SPOPL: variants seen among roughly 807,000 people sequenced by gnomAD.
SPOPL encodes the protein speckle-type POZ protein-like.
A neutral mutation model predicts 53.8 loss-of-function variants in SPOPL; 23 were observed. The observed-to-expected ratio is 0.43, with a 90% confidence interval of 0.31 to 0.61. The LOEUF is 0.61. Ranked by LOEUF, SPOPL falls within the 20% of genes least tolerant of loss-of-function variation. The probability of loss-of-function intolerance (pLI) is 0.12; values close to 1 mark genes in which losing one functional copy is unlikely to be tolerated. For synonymous variants in SPOPL, 164 were observed against 149.7 expected, an observed-to-expected ratio of 1.10 and a Z score of -0.70; for missense variants, 442 against 466.9, an observed-to-expected ratio of 0.95 and a Z score of 0.49.
chr2:138,553,082 G>A (rs531392979), intron 5 of SPOPL, among the ~76,000 whole-genome samples: 23 of 152,120 alleles, frequency 1.5e-4, no homozygotes, highest in African/African-American at 5.1e-4. Flanking sequence ...GTTTGAACCC[G>A]AAGTACCTGG....
chr2:138,510,513 G>C (rs1471018737), intron 1 of SPOPL, among the ~76,000 whole-genome samples: 1 of 152,176 alleles, frequency 6.6e-6, no homozygotes, highest in Non-Finnish European at 1.5e-5. Flanking sequence ...TGTTAGAGGG[G>C]TGTTGAAGTG....
Position 138,519,931 on chromosome 2 carries a change from C to T in SPOPL, c.-61+17812C>T, listed in dbSNP as rs190047955. 4.1e-3 allele frequency among the ~76,000 whole-genome samples: 631 copies of T among 152,190 alleles called. 5 individuals are homozygous for T. The highest frequency in any genetic ancestry group is 0.013 in the Admixed American group (198 of 15,294). ...CATTTTTTGTGAAAGTTCCAGGTAG[C>T]TAGGGAGTAATTTTTACCCAGGAAA... On this transcript the variant is annotated intron_variant, in intron 1 of 10. Transcript: ENST00000280098.
chr2:138,512,889 A>G (rs1186571996), intron 1 of SPOPL, among the ~76,000 whole-genome samples: 1 of 152,238 alleles, frequency 6.6e-6, no homozygotes, highest in Non-Finnish European at 1.5e-5. Context: ...TTAAGTGTCT[A>G]GTCATTGAGT....
chr2:138,540,971 A>G lies in SPOPL; in HGVS notation c.-60-9186A>G, dbSNP rs151192861. On this transcript the variant is annotated intron_variant, in intron 1 of 10. Transcript: ENST00000280098. ...GCATGAAGGGTTGTTGAATTTTGTCAAAGGCCTTTTCTGCATCTATTGAGA... is the reference window on the plus strand; with the variant it reads ...GCATGAAGGGTTGTTGAATTTTGTCGAAGGCCTTTTCTGCATCTATTGAGA... Among the ~76,000 whole-genome samples the G allele has an allele frequency of 1.2e-3, 189 of 152,228 alleles. 4 individuals are homozygous for G. The East Asian group carries it at 0.035, about 29-fold the overall frequency.
chr2:138,539,818 C>T (rs1197488909), intron 1 of SPOPL, among the ~76,000 whole-genome samples: 1 of 152,114 alleles, frequency 6.6e-6, no homozygotes, highest in African/African-American at 2.4e-5. Context: ...ACATAAAGTC[C>T]TTGCCCATGC....
At chr2:138,517,142 T>C (rs1274919434) in intron 1 of SPOPL, among the ~76,000 whole-genome samples, 2 of 152,232 alleles carry the variant, frequency 1.3e-5, no homozygotes, top group Non-Finnish European at 2.9e-5. Context: ...TGTTTGTGTT[T>C]ACAGGCATAA....
intron 1 of SPOPL, among the ~76,000 whole-genome samples, chr2:138,549,532 A>C (rs1019693172): frequency 2.6e-5 from 4 of 152,154 alleles, no homozygotes; most frequent in African/African-American, 7.2e-5. Context: ...ATACAGTACA[A>C]GAACAGCTAC....
At chr2:138,525,654 T>C (rs116042554) in intron 1 of SPOPL, among the ~76,000 whole-genome samples, 1 of 5,040 alleles carries the variant, frequency 2.0e-4, no homozygotes, top group Non-Finnish European at 5.1e-4. Context: ...GTATAAAAAG[T>C]AGAAAAAAAA....
chr2:138,526,006 A>G (rs2104868597), intron 1 of SPOPL, among the ~76,000 whole-genome samples: 1 of 152,236 alleles, frequency 6.6e-6, no homozygotes, highest in South Asian at 2.1e-4. Context: ...TCTAGATAGT[A>G]TTACCCATGT....
chr2:138,559,341 A>G lies in SPOPL; in HGVS notation c.714+4A>G, dbSNP rs138753667. ...TGAAATGGAAGAAAGCAAAAAGGTA[A>G]ACATGGCTTAAAGGCTAATATTGAA... is the stretch of plus-strand genomic sequence containing the variant. On this transcript the variant is annotated splice_donor_region_variant and intron_variant, in intron 7 of 10. Coordinates refer to ENST00000280098, the MANE Select transcript of SPOPL (RefSeq NM_001001664.3). 277 of 1,607,920 alleles carry G rather than the reference A, an allele frequency of 1.7e-4. 1 individual carries two copies. The highest frequency in any genetic ancestry group is 1.3e-3 in the Admixed American group (78 of 58,962).
At chr2:138,503,807 C>CA (rs1684156044) in intron 1 of SPOPL, among the ~76,000 whole-genome samples, 1 of 152,178 alleles carries the variant, frequency 6.6e-6, no homozygotes, top group Admixed American at 6.5e-5. Context: ...GTTAAATACT[C>CA]AAAACTGGTG....
chr2:138,505,515 G>A (rs1224138168), intron 1 of SPOPL, among the ~76,000 whole-genome samples: 1 of 150,142 alleles, frequency 6.7e-6, no homozygotes, highest in Non-Finnish European at 1.5e-5. Flanking sequence ...CCAGCACTTT[G>A]GGAGGTCGAG....
chr2:138,565,011 T>C lies in SPOPL; in HGVS notation c.1034+18T>C. ...AACAGCAAGTAAGATGACATCAGTT[T>C]CTGACTCAAAGTTGCTCTACATAAG... On this transcript the variant is annotated intron_variant, in intron 10 of 10. Coordinates refer to ENST00000280098, the MANE Select transcript of SPOPL (RefSeq NM_001001664.3). The C allele has an allele frequency of 6.2e-7, 1 of 1,613,714 alleles. No individual in the cohort carries two copies. Among genetic ancestry groups the C allele is most frequent in the Non-Finnish European group, 8.5e-7 (1 of 1,179,958 alleles).
chr2:138,526,069 A>G (rs1472115284), intron 1 of SPOPL, among the ~76,000 whole-genome samples: 3 of 152,074 alleles, frequency 2.0e-5, no homozygotes, highest in Non-Finnish European at 2.9e-5. Context: ...CCCAGTTTTA[A>G]TTAGTTGTTA....
At chr2:138,513,005 A>G (rs1453651647) in intron 1 of SPOPL, among the ~76,000 whole-genome samples, 2 of 152,258 alleles carry the variant, frequency 1.3e-5, no homozygotes, top group African/African-American at 4.8e-5. Flanking sequence ...TATTAAATAG[A>G]TGGCAGAGAA....
chr2:138,541,393 A>G lies in SPOPL; in HGVS notation c.-60-8764A>G, dbSNP rs1020305840. On this transcript the variant is annotated intron_variant, in intron 1 of 10. Transcript: ENST00000280098. ...GGTCCTGCACTTTTTTTGGTTGGTA[A>G]GCTATTAATTAATGCCTCAATTTCA... Among the ~76,000 whole-genome samples the G allele has an allele frequency of 5.9e-5, 9 of 152,216 alleles. No individual in the cohort carries two copies. In the East Asian group the frequency reaches 1.4e-3, roughly 23 times the overall value.
chr2:138,567,975 TGGAAGTGGGAGGTA>T, intron 10 of SPOPL, among the ~76,000 whole-genome samples: 1 of 152,126 alleles, frequency 6.6e-6, no homozygotes, highest in African/African-American at 2.4e-5. Context: ...TGCCAGATCA[TGGAAGTGGGAGGTA>T]GGAAGTGGGG....
rs868527187 is a variant in SPOPL at position 138,543,523 on chromosome 2, G to C, written c.-60-6634G>C. Reference sequence around the variant, plus strand: ...CTGATACCCTTTCTTTCAGTTGGTCGCATTGGCTACTGAGGCTTGTGCATT... The same window carrying C: ...CTGATACCCTTTCTTTCAGTTGGTCCCATTGGCTACTGAGGCTTGTGCATT... On this transcript the variant is annotated intron_variant, in intron 1 of 10. Coordinates refer to ENST00000280098, the MANE Select transcript of SPOPL (RefSeq NM_001001664.3). Among the ~76,000 whole-genome samples the C allele has an allele frequency of 2.0e-5, 3 of 152,016 alleles. No homozygotes were observed. The South Asian group carries it at 6.2e-4, about 32-fold the overall frequency.
At position 138,564,871 on chromosome 2, in the gene SPOPL, A is replaced by G. The variant is rs189489659; in HGVS notation, c.980+21A>G. 4,571 of 1,613,970 alleles carry G rather than the reference A, an allele frequency of 2.8e-3. 24 individuals carry two copies. The highest frequency in any genetic ancestry group is 0.011 in the South Asian group (960 of 91,066). On this transcript the variant is annotated intron_variant, in intron 9 of 10. Coordinates refer to ENST00000280098, the MANE Select transcript of SPOPL (RefSeq NM_001001664.3). ...AATAGGTAAGCTATGCTTGTATTTC[A>G]GTGGGCATGACAACTTCAATATTTT... is the stretch of plus-strand genomic sequence containing the variant.
Sources: gnomAD v4.1 joint callset for allele counts (sites outside exome capture counted in the v4.1 genomes callset) on GRCh38, gnomAD v4.1.1 for gene constraint, MANE v1.5 for transcripts, NCBI Gene and HGNC (gene_info 2026-07-23, HGNC 2026-07-21) for gene names.